The following SLC35D2 variants were observed in gnomAD, a reference collection of about 807,000 sequenced individuals.
SLC35D2 encodes the protein solute carrier family 35 member D2.
SLC35D2 carries 43 observed loss-of-function variants against 41.8 expected under a neutral mutation model. That is an observed-to-expected ratio of 1.03 (90% CI 0.81 to 1.33). The LOEUF (loss-of-function observed/expected upper bound fraction) is 1.33. SLC35D2 is among the 40% of genes most tolerant of loss of function. The pLI, the probability that SLC35D2 is intolerant of heterozygous loss-of-function variation, is 0.00. For synonymous variants in SLC35D2, 150 were observed against 163.9 expected (o/e 0.92, Z 0.65); for missense variants, 380 against 408.4 (o/e 0.93, Z 0.60).
chr9:96,376,628 G>A (rs549481323), intron 1 of SLC35D2, among the ~76,000 whole-genome samples: 33 of 151,214 alleles, frequency 2.2e-4, no homozygotes, highest in African/African-American at 7.3e-4. Context: ...AAATAAATAA[G>A]CCAGGAGGTT....
At chr9:96,373,044 C>T (rs1830778560) in intron 1 of SLC35D2, among the ~76,000 whole-genome samples, 1 of 151,778 alleles carries the variant, frequency 6.6e-6, no homozygotes, top group East Asian at 1.9e-4. Flanking sequence ...GGATTACAGG[C>T]ACCCACCACC....
intron 9 of SLC35D2, among the ~76,000 whole-genome samples, chr9:96,329,057 T>C (rs1354381503): frequency 6.8e-6 from 1 of 147,310 alleles, no homozygotes; most frequent in Non-Finnish European, 1.5e-5. Context: ...CACTGCATTC[T>C]AGCCTGGGCA....
At chr9:96,327,660 C>T (rs1391722795) in intron 9 of SLC35D2, among the ~76,000 whole-genome samples, 1 of 150,842 alleles carries the variant, frequency 6.6e-6, no homozygotes, top group African/African-American at 2.4e-5. Flanking sequence ...CTCACTCTTT[C>T]GCCCAGGCTG....
At chr9:96,375,414 C>T (rs1054942427) in intron 1 of SLC35D2, among the ~76,000 whole-genome samples, 2 of 150,956 alleles carry the variant, frequency 1.3e-5, no homozygotes, top group African/African-American at 2.4e-5. Flanking sequence ...CCCGTCTCTA[C>T]TAAAAATACA....
At chr9:96,361,700 A>G (rs1207934597) in intron 3 of SLC35D2, among the ~76,000 whole-genome samples, 3 of 152,074 alleles carry the variant, frequency 2.0e-5, no homozygotes. Context: ...AATTAAAAAA[A>G]TGAAAACAAA....
At chr9:96,345,820 G>A (rs1406350472) in intron 6 of SLC35D2, among the ~76,000 whole-genome samples, 1 of 152,174 alleles carries the variant, frequency 6.6e-6, no homozygotes, top group African/African-American at 2.4e-5. Flanking sequence ...TGGGTAAGAG[G>A]GGTCGCATGA....
At chr9:96,342,950 C>G (rs1829401043) in intron 8 of SLC35D2, among the ~76,000 whole-genome samples, 3 of 152,236 alleles carry the variant, frequency 2.0e-5, no homozygotes, top group African/African-American at 7.2e-5. Context: ...TAAATGGGTG[C>G]TGCCCCAGCC....
Position 96,368,420 on chromosome 9 carries a change from TG to T in SLC35D2, c.159-116del, listed in dbSNP as rs1830556210. 4 of 861,792 alleles carry T rather than the reference TG, an allele frequency of 4.6e-6. 1 individual carries two copies. In the East Asian group the frequency reaches 1.1e-4, roughly 24 times the overall value. 53.4% of individuals were successfully genotyped at this position (861,792 alleles called of 1,614,324 possible). ...CTGAGAAAATGAAAATTTATCAAATTGTTCACTTTTCATTTAATTCTTTTTT... is the reference window on the plus strand; with the variant it reads ...CTGAGAAAATGAAAATTTATCAAATTTTCACTTTTCATTTAATTCTTTTTT... On this transcript the variant is annotated intron_variant, in intron 1 of 11. Transcript: ENST00000253270.
At chr9:96,338,555 C>CAAAA (rs58788876) in intron 8 of SLC35D2, among the ~76,000 whole-genome samples, 9 of 115,786 alleles carry the variant, frequency 7.8e-5, no homozygotes, top group African/African-American at 2.4e-4. Flanking sequence ...GACCCTGTCT[C>CAAAA]AAAAAAAAAA....
chr9:96,382,627 G>GTA (rs1444249782), intron 1 of SLC35D2, among the ~76,000 whole-genome samples: 4 of 151,516 alleles, frequency 2.6e-5, no homozygotes, highest in Non-Finnish European at 5.9e-5. Context: ...AGCTGAATCT[G>GTA]TATGTATATA....
At chr9:96,374,764 G>T (rs1435336760) in intron 1 of SLC35D2, among the ~76,000 whole-genome samples, 1 of 150,134 alleles carries the variant, frequency 6.7e-6, no homozygotes, top group Non-Finnish European at 1.5e-5. Context: ...CGTGAACCCG[G>T]AAGGCAGAGC....
chr9:96,371,474 C>CAAAAAAAAAAAAAAAA lies in SLC35D2; in HGVS notation c.159-3185_159-3170dup, dbSNP rs539576375. ...TGGGTGACAGAGCGAGACTCTGTCT[C>CAAAAAAAAAAAAAAAA]AAAAAAAAAAAAAAAAAAAAAAAAA... On this transcript the variant is annotated intron_variant, in intron 1 of 11. Transcript: ENST00000253270. Among the ~76,000 whole-genome samples the CAAAAAAAAAAAAAAAA allele has an allele frequency of 2.4e-3, 110 of 46,636 alleles. 4 individuals carry two copies. Among genetic ancestry groups the CAAAAAAAAAAAAAAAA allele is most frequent in the East Asian group, 7.2e-3 (8 of 1,106 alleles). 30.6% of individuals were successfully genotyped at this position (46,636 alleles called of 152,430 possible).
At chr9:96,315,457 G>A (rs1439185004) in intron 11 of SLC35D2, among the ~76,000 whole-genome samples, 116 of 122,168 alleles carry the variant, frequency 9.5e-4, no homozygotes, top group Admixed American at 9.5e-3. Flanking sequence ...TTTTTGAGAC[G>A]GAGTCTCGCT....
rs7026081 is a variant in SLC35D2, at chr9:96,324,054, G to T, written c.831+37C>A. The T allele has an allele frequency of 3.4e-4, 526 of 1,554,660 alleles. 3 individuals carry two copies. The African/African-American group carries it at 6.1e-3, about 18-fold the overall frequency. On this transcript the variant is annotated intron_variant, in intron 10 of 11. Coordinates refer to ENST00000253270, the MANE Select transcript of SLC35D2 (RefSeq NM_007001.3). Reference sequence around the variant, plus strand: ...TGGAATATTTGGATTTCCATTCCTTGACTCAGTTGTTCCCTTCCAAGTTTC... The same window carrying T: ...TGGAATATTTGGATTTCCATTCCTTTACTCAGTTGTTCCCTTCCAAGTTTC...
chr9:96,317,336 A>G (rs748805496), downstream of SLC35D2, among the ~76,000 whole-genome samples: 1 of 151,990 alleles, frequency 6.6e-6, no homozygotes, highest in African/African-American at 2.4e-5. Flanking sequence ...CTGGACCTAC[A>G]TTTTTTCTTC....
intron 11 of SLC35D2, among the ~76,000 whole-genome samples, chr9:96,315,125 GA>G (rs1828019173): frequency 6.6e-6 from 1 of 152,068 alleles, no homozygotes; most frequent in African/African-American, 2.4e-5. Flanking sequence ...CCTTTTCATA[GA>G]CTTTTTCTTT....
chr9:96,349,841 AATGAACCTTCAG>A, intron 6 of SLC35D2, among the ~76,000 whole-genome samples: 1 of 151,994 alleles, frequency 6.6e-6, no homozygotes, highest in Non-Finnish European at 1.5e-5. Flanking sequence ...TTCCTTTTTT[AATGAACCTTCAG>A]AGAGTAGAAG....
intron 4 of SLC35D2, among the ~76,000 whole-genome samples, chr9:96,352,737 T>C (rs988809902): frequency 6.6e-6 from 1 of 152,002 alleles, no homozygotes; most frequent in African/African-American, 2.4e-5. Flanking sequence ...CTATGCGTCA[T>C]CATTAAATAG....
downstream of SLC35D2, among the ~76,000 whole-genome samples, chr9:96,318,035 C>CAAAA (rs10700687): frequency 4.6e-3 from 647 of 140,774 alleles, 5 homozygotes; most frequent in Non-Finnish European, 5.8e-3. Flanking sequence ...GACGTTGTCT[C>CAAAA]AAAAAAAAAA....
Sources: gnomAD v4.1 joint callset for allele counts (sites outside exome capture counted in the v4.1 genomes callset) on GRCh38, gnomAD v4.1.1 for gene constraint, MANE v1.5 for transcripts, NCBI Gene and HGNC (gene_info 2026-07-23, HGNC 2026-07-21) for gene names.